The following YEATS2 variants were observed in gnomAD, a reference collection of about 807,000 sequenced individuals.
YEATS2 encodes YEATS domain-containing protein 2.
YEATS2 carries 77 observed loss-of-function variants against 163.2 expected under a neutral mutation model. The ratio of observed to expected loss-of-function variants is 0.47; its 90% CI spans 0.39 to 0.57. YEATS2 has a LOEUF of 0.57. Ranked by LOEUF, YEATS2 falls within the 20% of genes least tolerant of loss-of-function variation. YEATS2 has a pLI of 0.00. For synonymous variants in YEATS2, 631 were observed against 645.1 expected (o/e 0.98, Z 0.33); for missense variants, 1,549 against 1,729.8 (o/e 0.90, Z 1.85).
In YEATS2 at chr3:183,804,988, C is replaced by CAA. The variant is rs78765003; in HGVS notation, c.3784+809_3784+810dup. On this transcript the variant is annotated intron_variant, in intron 27 of 30. Transcript: ENST00000305135. Reference sequence around the variant, plus strand: ...TGGGCAACAGAGCAAGACTCCGTCTCAAAAAAAAAACCACACACACAAAAA... The same window carrying CAA: ...TGGGCAACAGAGCAAGACTCCGTCTCAAAAAAAAAAAACCACACACACAAAAA... 2.8e-5 allele frequency among the ~76,000 whole-genome samples: 4 copies of CAA among 145,086 alleles called. No homozygotes were observed. The East Asian group carries it at 8.1e-4, about 29-fold the overall frequency.
At chr3:183,760,094 G>A (rs1257196313) in intron 13 of YEATS2, among the ~76,000 whole-genome samples, 3 of 152,136 alleles carry the variant, frequency 2.0e-5, no homozygotes, top group South Asian at 2.1e-4. Context: ...CCTGGTCCAA[G>A]GCGAGGCTGT....
In YEATS2 at chr3:183,810,632, T is replaced by C. The variant is rs1284653841; in HGVS notation, c.*49T>C. Reference sequence around the variant, plus strand: ...GCAGGCTTTGAAGGCACAGCGAAGCTGTAACTGAGGACCCTGCTGCTCGGG... The same window carrying C: ...GCAGGCTTTGAAGGCACAGCGAAGCCGTAACTGAGGACCCTGCTGCTCGGG... On this transcript the variant is annotated 3_prime_UTR_variant, in exon 31 of 31. Transcript: ENST00000305135. 20 of 1,547,986 alleles carry C rather than the reference T, an allele frequency of 1.3e-5. No individual in the cohort carries two copies. The highest frequency in any genetic ancestry group is 1.8e-5 in the Non-Finnish European group (20 of 1,123,128).
chr3:183,713,640 T>C (rs1020599293), intron 1 of YEATS2, among the ~76,000 whole-genome samples: 1 of 152,242 alleles, frequency 6.6e-6, no homozygotes, highest in Admixed American at 6.5e-5. Context: ...ATATTTTTAT[T>C]GGACAGCACT....
rs759847517 is a variant in YEATS2, at chr3:183,775,998, G to A, written c.2452G>A (p.Gly818Ser). The A allele has an allele frequency of 1.6e-5, 25 of 1,609,390 alleles. 1 individual carries two copies. Among genetic ancestry groups the A allele is most frequent in the African/African-American group, 1.1e-4 (8 of 74,708 alleles). Reference sequence around the variant, plus strand: ...AGGAGGAGGAGGCGGCAGTGGCAGCGGTGGAGGCGGCAGCACAGGAGGAGG... The same window carrying A: ...AGGAGGAGGAGGCGGCAGTGGCAGCAGTGGAGGCGGCAGCACAGGAGGAGG... ...GGGGGGGSGSGGGGSTGGGGG... is the reference protein window; with the variant it reads ...GGGGGGGSGSSGGGSTGGGGG... The change falls in exon 18 of 31, where the codon GGT (glycine) becomes AGT (serine). Residue 818 changes from glycine (G) to serine (S), a missense_variant. Gly to Ser is a moderately conservative substitution (Grantham distance 56). Coordinates refer to ENST00000305135, the MANE Select transcript of YEATS2 (RefSeq NM_018023.5).
At chr3:183,741,848 A>G (rs1419223322) in intron 8 of YEATS2, among the ~76,000 whole-genome samples, 4 of 152,156 alleles carry the variant, frequency 2.6e-5, no homozygotes, top group Non-Finnish European at 5.9e-5. Context: ...GCCTGCTAAC[A>G]CAATATCCAT....
chr3:183,771,559 T>C (rs1194870909), intron 15 of YEATS2, among the ~76,000 whole-genome samples: 1 of 140,336 alleles, frequency 7.1e-6, no homozygotes, highest in African/African-American at 2.7e-5. Context: ...TTTTTTTTTT[T>C]TTTTTTCTTT....
chr3:183,725,631 A>G (rs1420865837), intron 6 of YEATS2, among the ~76,000 whole-genome samples: 1 of 152,224 alleles, frequency 6.6e-6, no homozygotes, highest in Non-Finnish European at 1.5e-5. Context: ...CTGATTTATT[A>G]TCACGAGAAC....
intron 19 of YEATS2, among the ~76,000 whole-genome samples, chr3:183,778,573 C>T (rs374733192): frequency 2.6e-5 from 4 of 152,260 alleles, no homozygotes; most frequent in South Asian, 4.1e-4. Context: ...TCAGGCTGGT[C>T]TCCAGCTCGT....
chr3:183,787,841 CA>C (rs1390922658), intron 20 of YEATS2, among the ~76,000 whole-genome samples: 90 of 142,594 alleles, frequency 6.3e-4, no homozygotes, highest in Admixed American at 7.0e-4. Flanking sequence ...ACTAAAAATA[CA>C]AAAAAAAAAA....
Position 183,804,020 on chromosome 3 carries a change from C to G in YEATS2, c.3616C>G (p.Gln1206Glu), listed in dbSNP as rs1248257814. ...QRAMTMRKVL[Q>E]EILEKNPRFH... ...AGCAATGACAATGCGAAAAGTCTTA[C>G]AAGAAATCCTGGAGAAGAATCCGAG... The change falls in exon 27 of 31, where the codon CAA becomes GAA. Residue 1206 changes from glutamine (Q) to glutamate (E), a missense_variant. Transcript: ENST00000305135. 1.9e-6 allele frequency: 3 copies of G among 1,614,060 alleles called. No homozygotes were observed. Among genetic ancestry groups the G allele is most frequent in the Admixed American group, 1.7e-5 (1 of 60,006 alleles).
rs182737612 is a variant in YEATS2, at chr3:183,744,973, C to T, written c.925-2699C>T. Among the ~76,000 whole-genome samples, 60 of 152,198 alleles carry T rather than the reference C, an allele frequency of 3.9e-4. 1 individual carries two copies. The East Asian group carries it at 7.7e-3, about 20-fold the overall frequency. On this transcript the variant is annotated intron_variant, in intron 8 of 30. Transcript: ENST00000305135. ...TTAAGCGATTCTCCTGCCTCAGCCT[C>T]CCAAATAGCTGGGACTACAGGTGCA...
chr3:183,793,099 G>GT (rs1397674645), intron 21 of YEATS2: 1 of 1,259,738 alleles, frequency 7.9e-7, no homozygotes, highest in Non-Finnish European at 1.0e-6. Flanking sequence ...TCTAAATACT[G>GT]TATTATCTTG....
intron 7 of YEATS2, among the ~76,000 whole-genome samples, chr3:183,734,255 T>C (rs1718108839): frequency 6.6e-6 from 1 of 152,222 alleles, no homozygotes; most frequent in African/African-American, 2.4e-5. Context: ...AACTGAGGTC[T>C]GTCACCTTGG....
chr3:183,700,203 T>C (rs2108949230), intron 1 of YEATS2, among the ~76,000 whole-genome samples: 1 of 152,298 alleles, frequency 6.6e-6, no homozygotes, highest in South Asian at 2.1e-4. Context: ...TCTCCCCACA[T>C]GTTTCTCAGT....
chr3:183,790,852 C>T lies in YEATS2; in HGVS notation c.2969C>T (p.Ser990Phe), dbSNP rs889054388. The change falls in exon 21 of 31, where the codon TCT becomes TTT. Residue 990 changes from serine to phenylalanine, a missense_variant. By Grantham distance (155) the Ser-to-Phe change is radical. Transcript: ENST00000305135. ...ACGGTCAGTTCTGTAACGAAAACTT[C>T]TGGGCAGCAGCAAGTGTGTGTGAGC... ...SSTVSSVTKT[S>F]GQQQVCVSQA... 1.2e-6 allele frequency: 2 copies of T among 1,614,062 alleles called. No individual in the cohort carries two copies. The highest frequency in any genetic ancestry group is 3.3e-5 in the Admixed American group (2 of 59,990).
chr3:183,777,463 A>C, intron 18 of YEATS2, 79 bp from the exon 19 acceptor site: 1 of 1,461,896 alleles, frequency 6.8e-7, no homozygotes, highest in South Asian at 1.3e-5. Flanking sequence ...GGGACGTTAC[A>C]TGTGATTTAA....
chr3:183,711,020 T>A (rs1004463701), intron 1 of YEATS2, among the ~76,000 whole-genome samples: 23 of 152,324 alleles, frequency 1.5e-4, no homozygotes, highest in African/African-American at 5.1e-4. Flanking sequence ...TAGGTGTTTT[T>A]AGATTCCTAT....
chr3:183,765,941 T>C (rs1250336332), intron 15 of YEATS2, among the ~76,000 whole-genome samples: 1 of 148,980 alleles, frequency 6.7e-6, no homozygotes, highest in Non-Finnish European at 1.5e-5. Flanking sequence ...AGCAAGACTC[T>C]GTCTAAAAAA....
At chr3:183,804,321 G>A in intron 27 of YEATS2, 133 bp downstream of exon 27, 1 of 1,034,128 alleles carries the variant, frequency 9.7e-7, no homozygotes, top group Non-Finnish European at 1.4e-6. Context: ...GTCCTTCGTG[G>A]GACCGTGCAG....
Sources: gnomAD v4.1 joint callset for allele counts (sites outside exome capture counted in the v4.1 genomes callset) on GRCh38, gnomAD v4.1.1 for gene constraint, MANE v1.5 for transcripts, NCBI Gene and HGNC (gene_info 2026-07-23, HGNC 2026-07-21) for gene names.